KCNMA1: variants seen among roughly 807,000 people sequenced by gnomAD.
KCNMA1 encodes the protein Calcium-activated potassium channel subunit alpha-1.
A neutral mutation model predicts 140.0 loss-of-function variants in KCNMA1; 29 were observed. That is an observed-to-expected ratio of 0.21 (90% CI 0.15 to 0.28). KCNMA1 has a LOEUF of 0.28. KCNMA1 is among the 10% of genes least tolerant of loss of function. KCNMA1 has a pLI of 1.00. For synonymous variants in KCNMA1, 612 were observed against 611.9 expected, an observed-to-expected ratio of 1.00 and a Z score of 0.00; for missense variants, 880 against 1,602.2, an observed-to-expected ratio of 0.55 and a Z score of 7.70.
chr10:76,970,983 G>A (rs988489924), intron 19 of KCNMA1: 8 of 152,208 alleles, frequency 5.3e-5, no homozygotes, highest in African/African-American at 1.9e-4. Context: ...AATAAGCTTT[G>A]CAGATGTATT....
chr10:77,387,097 G>C (rs892112879), intron 2 of KCNMA1, among the ~76,000 whole-genome samples: 2 of 152,168 alleles, frequency 1.3e-5, no homozygotes. Flanking sequence ...TTCATGCAAA[G>C]AGAATTTTGA....
At chr10:77,306,207 G>T (rs1418474254) in intron 2 of KCNMA1, among the ~76,000 whole-genome samples, 2 of 152,196 alleles carry the variant, frequency 1.3e-5, no homozygotes, top group Non-Finnish European at 2.9e-5. Flanking sequence ...GGTGGTCTCT[G>T]CCCTCAGGGA....
intron 1 of KCNMA1, among the ~76,000 whole-genome samples, chr10:77,616,142 A>T (rs2089405717): frequency 2.0e-5 from 3 of 152,150 alleles, no homozygotes; most frequent in Non-Finnish European, 4.4e-5. Flanking sequence ...AATTTAAGAG[A>T]CCAAAATGAA....
intron 1 of KCNMA1, among the ~76,000 whole-genome samples, chr10:77,632,040 G>A (rs943844249): frequency 1.1e-4 from 17 of 152,186 alleles, no homozygotes; most frequent in Admixed American, 1.3e-4. Flanking sequence ...CAGGATCACA[G>A]GCTGAACCTT....
chr10:77,002,212 T>G (rs1407124599), intron 18 of KCNMA1, among the ~76,000 whole-genome samples: 2 of 152,222 alleles, frequency 1.3e-5, no homozygotes, highest in African/African-American at 4.8e-5. Flanking sequence ...AAATTTACTC[T>G]TGACAGAACA....
At chr10:77,167,255 C>T (rs758887261) in intron 5 of KCNMA1, among the ~76,000 whole-genome samples, 6 of 152,066 alleles carry the variant, frequency 3.9e-5, no homozygotes, top group Non-Finnish European at 8.8e-5. Context: ...GATTATTTCA[C>T]TTAACACAAC....
intron 1 of KCNMA1, among the ~76,000 whole-genome samples, chr10:77,573,037 T>A (rs118124383): frequency 2.0e-5 from 3 of 152,080 alleles, no homozygotes; most frequent in African/African-American, 7.2e-5. Flanking sequence ...AGCCCCTCCA[T>A]GAATTAGGTA....
intron 9 of KCNMA1, among the ~76,000 whole-genome samples, chr10:77,104,683 G>C (rs2097165835): frequency 6.6e-6 from 1 of 152,182 alleles, no homozygotes; most frequent in Non-Finnish European, 1.5e-5. Flanking sequence ...ACAGCAGATG[G>C]ATTCCTCTCT....
At chr10:77,314,305 A>G (rs2080165951) in intron 2 of KCNMA1, among the ~76,000 whole-genome samples, 1 of 152,176 alleles carries the variant, frequency 6.6e-6, no homozygotes, top group African/African-American at 2.4e-5. Context: ...CAGGAAATGA[A>G]TTTCATCCAG....
intron 24 of KCNMA1, chr10:76,914,381 C>A (rs2051767599): frequency 1.1e-5 from 6 of 532,246 alleles, no homozygotes; most frequent in Admixed American, 7.0e-5. Context: ...GCCCTCAAAA[C>A]CCCATCATTT....
rs116655346 is a variant in KCNMA1, at chr10:77,395,829, G to A, written c.540+8033C>T. 7.4e-3 allele frequency among the ~76,000 whole-genome samples: 1,128 copies of A among 152,278 alleles called. 13 individuals are homozygous for A. Among genetic ancestry groups the A allele is most frequent in the African/African-American group, 0.025 (1,040 of 41,560 alleles). On this transcript the variant is annotated intron_variant, in intron 2 of 27. Transcript: ENST00000286628. ...AACAGGCAGCTCACTACCTGTCGGG[G>A]GAGACTGCTCAATTCAATTATTTCT...
intron 5 of KCNMA1, among the ~76,000 whole-genome samples, chr10:77,124,284 C>G (rs1217310400): frequency 6.6e-6 from 1 of 152,158 alleles, no homozygotes; most frequent in Admixed American, 6.5e-5. Context: ...ATATCCATTG[C>G]TGATTGGCAG....
chr10:76,950,982 T>C (rs2066040028), intron 21 of KCNMA1, among the ~76,000 whole-genome samples: 1 of 152,166 alleles, frequency 6.6e-6, no homozygotes, highest in Admixed American at 6.5e-5. Flanking sequence ...AGTGCCTGGG[T>C]GCCACCAGGA....
chr10:77,279,680 T>C (rs1264069454), intron 2 of KCNMA1, among the ~76,000 whole-genome samples: 1 of 152,194 alleles, frequency 6.6e-6, no homozygotes, highest in Non-Finnish European at 1.5e-5. Context: ...GATCTCATCT[T>C]GAATTGCAGC....
intron 19 of KCNMA1, among the ~76,000 whole-genome samples, chr10:76,996,293 C>A (rs922521280): frequency 6.6e-6 from 1 of 152,226 alleles, no homozygotes; most frequent in Non-Finnish European, 1.5e-5. Context: ...CTAAGGCCCA[C>A]AGTAAGGCAT....
chr10:77,583,689 G>C (rs1207354765), intron 1 of KCNMA1, among the ~76,000 whole-genome samples: 1 of 152,198 alleles, frequency 6.6e-6, no homozygotes, highest in Non-Finnish European at 1.5e-5. Flanking sequence ...TGCCTCCCTG[G>C]CCTGGGGCAG....
At chr10:76,894,840 G>A (rs950373201) in intron 25 of KCNMA1, among the ~76,000 whole-genome samples, 1 of 152,162 alleles carries the variant, frequency 6.6e-6, no homozygotes, top group East Asian at 1.9e-4. Flanking sequence ...GTAAGAATAA[G>A]GAGAAACTGG....
At chr10:77,533,563 G>A (rs1279768479) in intron 1 of KCNMA1, among the ~76,000 whole-genome samples, 2 of 152,014 alleles carry the variant, frequency 1.3e-5, no homozygotes, top group African/African-American at 4.8e-5. Flanking sequence ...CTTTCTTCCC[G>A]CATCCCACCA....
At chr10:77,363,448 G>A (rs1376219704) in intron 2 of KCNMA1, among the ~76,000 whole-genome samples, 2 of 152,192 alleles carry the variant, frequency 1.3e-5, no homozygotes, top group African/African-American at 2.4e-5. Flanking sequence ...AGCCCTCAGG[G>A]TGAGTGCATA....
Sources: allele counts gnomAD v4.1 joint callset (sites outside exome capture counted in the v4.1 genomes callset), GRCh38; gene constraint gnomAD v4.1.1; transcripts MANE v1.5; gene names NCBI Gene and HGNC (gene_info 2026-07-23, HGNC 2026-07-21).